The following IPCEF1 variants were observed in gnomAD, a reference collection of about 807,000 sequenced individuals.
IPCEF1 encodes interactor protein for cytohesin exchange factors 1.
IPCEF1 carries 31 observed loss-of-function variants against 50.9 expected under a neutral mutation model. That is an observed-to-expected ratio of 0.61 (90% CI 0.46 to 0.82). IPCEF1 has a LOEUF of 0.82. Among genes scored for constraint, IPCEF1 ranks in the 40% least tolerant of loss-of-function variants. IPCEF1 has a pLI of 0.00. For missense variants in IPCEF1, 458 were observed against 514.0 expected, an observed-to-expected ratio of 0.89 and a Z score of 1.05; for synonymous variants, 181 against 192.0, an observed-to-expected ratio of 0.94 and a Z score of 0.47.
At chr6:154,171,788 G>C (rs983399092) in intron 10 of IPCEF1, among the ~76,000 whole-genome samples, 6 of 152,250 alleles carry the variant, frequency 3.9e-5, no homozygotes, top group Middle Eastern at 3.4e-3. Context: ...ACTCCTGAAG[G>C]GGGGCATTAG....
rs935745459 is a variant in IPCEF1 at position 154,168,617 on chromosome 6, T to A, written c.911-504A>T. ...TTAATTAATTAATTTTATTATTATTTTTTTTGAGACGGAGTTTTACTGCTG... is the reference window on the plus strand; with the variant it reads ...TTAATTAATTAATTTTATTATTATTATTTTTGAGACGGAGTTTTACTGCTG... On this transcript the variant is annotated intron_variant, in intron 10 of 11. Coordinates refer to ENST00000367220, the MANE Select transcript of IPCEF1 (RefSeq NM_001130700.2). This position sits in a 1 kb window ranked among gnomAD's most constrained non-coding sequence, Gnocchi z 4.1. Among the ~76,000 whole-genome samples, 6 of 152,076 alleles carry A rather than the reference T, an allele frequency of 3.9e-5. No homozygotes were observed. The highest frequency in any genetic ancestry group is 1.4e-4 in the African/African-American group (6 of 41,410).
chr6:154,223,345 G>A, intron 5 of IPCEF1, 102 bp from the exon 6 acceptor site: 1 of 924,584 alleles, frequency 1.1e-6, no homozygotes, highest in Non-Finnish European at 1.7e-6. Flanking sequence ...AATGACATGA[G>A]GGAGAATCAA....
intron 1 of IPCEF1, among the ~76,000 whole-genome samples, chr6:154,298,191 A>T (rs1318466133): frequency 6.6e-6 from 1 of 152,204 alleles, no homozygotes; most frequent in Non-Finnish European, 1.5e-5. Context: ...AGATTGTTTC[A>T]ACTAAAAATT....
chr6:154,182,279 T>C (rs181709942), intron 10 of IPCEF1, among the ~76,000 whole-genome samples: 1 of 152,342 alleles, frequency 6.6e-6, no homozygotes, highest in African/African-American at 2.4e-5. Flanking sequence ...GTGTTTGATG[T>C]TTCTGTTAAG....
intron 10 of IPCEF1, among the ~76,000 whole-genome samples, chr6:154,196,012 G>A (rs183575013): frequency 9.2e-5 from 14 of 151,960 alleles, no homozygotes; most frequent in African/African-American, 2.9e-4. Flanking sequence ...GGCTGGTCTC[G>A]AACTCCTGAC....
chr6:154,199,930 A>C lies in IPCEF1; in HGVS notation c.648T>G (p.Ser216=), dbSNP rs1264326132. ...KTPSSFPSSL[S]KERQSLPDTV... is the part of the protein sequence containing the mutation. ...TGTCAGGCAAGGATTGTCTCTCTTT[A>C]GATAAGGAGGAAGGAAAACTGCTGG... The change falls in exon 10 of 12, where the codon TCT becomes TCG. Residue 216 remains serine, a synonymous_variant. Transcript: ENST00000367220. 5 of 1,614,104 alleles carry C rather than the reference A, an allele frequency of 3.1e-6. No homozygotes were observed. The highest frequency in any genetic ancestry group is 1.3e-5 in the African/African-American group (1 of 74,936).
chr6:154,205,749 A>G (rs1777442192), intron 9 of IPCEF1, among the ~76,000 whole-genome samples: 1 of 152,212 alleles, frequency 6.6e-6, no homozygotes, highest in Non-Finnish European at 1.5e-5. Flanking sequence ...TGCAATTAGG[A>G]CAAGGTGCAC....
chr6:154,198,876 T>C (rs78292513), intron 10 of IPCEF1, among the ~76,000 whole-genome samples: 2,857 of 152,272 alleles, frequency 0.019, 54 homozygotes, highest in African/African-American at 0.049. Context: ...ACCAAAAATA[T>C]ACAAACCAAA....
chr6:154,335,913 C>G (rs887349877), intron 1 of IPCEF1, among the ~76,000 whole-genome samples: 3 of 152,080 alleles, frequency 2.0e-5, no homozygotes, highest in Non-Finnish European at 4.4e-5. Context: ...CACTAACTTG[C>G]ATTGGGGAAA....
chr6:154,197,560 G>T (rs1262374805), intron 10 of IPCEF1, among the ~76,000 whole-genome samples: 5 of 152,216 alleles, frequency 3.3e-5, no homozygotes, highest in African/African-American at 9.7e-5. Flanking sequence ...TACAGATTTT[G>T]CTGGTCACTC....
chr6:154,161,492 C>T (rs1338069092), intron 11 of IPCEF1, among the ~76,000 whole-genome samples: 2 of 152,120 alleles, frequency 1.3e-5, no homozygotes, highest in African/African-American at 2.4e-5. Flanking sequence ...GGATTACAGG[C>T]GTGAGCCACT....
At chr6:154,201,661 G>A (rs951648983) in intron 9 of IPCEF1, among the ~76,000 whole-genome samples, 13 of 152,196 alleles carry the variant, frequency 8.5e-5, no homozygotes, top group Admixed American at 2.0e-4. Flanking sequence ...TTGGGAGGCC[G>A]AGGTGGGCAG....
intron 5 of IPCEF1, among the ~76,000 whole-genome samples, chr6:154,228,012 C>T (rs1427405117): frequency 2.6e-5 from 4 of 151,846 alleles, no homozygotes; most frequent in Non-Finnish European, 5.9e-5. Context: ...TCAAAAATGA[C>T]AATCACAGAG....
At chr6:154,290,255 T>A (rs897063714) in intron 1 of IPCEF1, among the ~76,000 whole-genome samples, 5 of 152,128 alleles carry the variant, frequency 3.3e-5, no homozygotes, top group African/African-American at 9.7e-5. Context: ...TGAGCATGCA[T>A]GCAACTTCAG....
chr6:154,174,603 A>G (rs909509440), intron 10 of IPCEF1, among the ~76,000 whole-genome samples: 1 of 152,226 alleles, frequency 6.6e-6, no homozygotes, highest in Non-Finnish European at 1.5e-5. Flanking sequence ...AAAGAGCTCA[A>G]TTCAACAAGA....
At chr6:154,174,432 C>A (rs548646066) in intron 10 of IPCEF1, among the ~76,000 whole-genome samples, 1 of 151,924 alleles carries the variant, frequency 6.6e-6, no homozygotes, top group African/African-American at 2.4e-5. Context: ...ACCCATCTCA[C>A]GTGCAGAGAC....
intron 9 of IPCEF1, among the ~76,000 whole-genome samples, chr6:154,205,038 C>T (rs115884937): frequency 2.8e-4 from 43 of 152,258 alleles, no homozygotes; most frequent in African/African-American, 1.0e-3. Flanking sequence ...ATTGCTTGGA[C>T]CTCCACTGAA....
intron 1 of IPCEF1, among the ~76,000 whole-genome samples, chr6:154,329,561 A>G (rs1783607195): frequency 6.6e-6 from 1 of 151,864 alleles, no homozygotes; most frequent in Non-Finnish European, 1.5e-5. Context: ...ACTGCCCTCC[A>G]GCCTGAGTGA....
intron 10 of IPCEF1, among the ~76,000 whole-genome samples, chr6:154,191,672 T>TCAA (rs140096033): frequency 0.018 from 2,685 of 149,666 alleles, 28 homozygotes; most frequent in African/African-American, 0.029. Flanking sequence ...AGACTTTGCC[T>TCAA]CAACAACAAC....
Sources: gnomAD v4.1 joint callset for allele counts (sites outside exome capture counted in the v4.1 genomes callset) on GRCh38, gnomAD v4.1.1 for gene constraint, Gnocchi (gnomAD v3.1) non-coding constraint, MANE v1.5 for transcripts, NCBI Gene and HGNC (gene_info 2026-07-23, HGNC 2026-07-21) for gene names.